The following GRM1 variants were observed in gnomAD, a reference collection of about 807,000 sequenced individuals.
GRM1 encodes metabotropic glutamate receptor 1.
GRM1 carries 33 observed loss-of-function variants against 90.9 expected under a neutral mutation model. That is an observed-to-expected ratio of 0.36 (90% CI 0.28 to 0.49). The LOEUF (loss-of-function observed/expected upper bound fraction) is 0.49, where lower values mean the gene tolerates loss of function less well. Among genes scored for constraint, GRM1 ranks in the 20% least tolerant of loss-of-function variants. The pLI is 0.99. For missense variants in GRM1, 1,190 were observed against 1,534.3 expected, an observed-to-expected ratio of 0.78 and a Z score of 3.75; for synonymous variants, 700 against 613.2, an observed-to-expected ratio of 1.14 and a Z score of -2.09.
intron 1 of GRM1, among the ~76,000 whole-genome samples, chr6:146,095,405 G>A (rs1230419622): frequency 6.6e-6 from 1 of 152,124 alleles, no homozygotes; most frequent in Admixed American, 6.6e-5. Flanking sequence ...CTCAGGAATG[G>A]CAGGGTTTTA....
chr6:146,103,041 T>C (rs921005054), intron 1 of GRM1, among the ~76,000 whole-genome samples: 3 of 152,230 alleles, frequency 2.0e-5, no homozygotes, highest in Non-Finnish European at 4.4e-5. Context: ...GTGCAGTTTC[T>C]GTGATGGTTT....
At chr6:146,132,543 G>A (rs1776446031) in intron 1 of GRM1, among the ~76,000 whole-genome samples, 1 of 152,022 alleles carries the variant, frequency 6.6e-6, no homozygotes, top group African/African-American at 2.4e-5. Context: ...GGGTGTATTT[G>A]GAATTGTCCC....
chr6:146,425,694 A>G (rs562338545), intron 7 of GRM1, among the ~76,000 whole-genome samples: 1 of 152,296 alleles, frequency 6.6e-6, no homozygotes, highest in African/African-American at 2.4e-5. Flanking sequence ...GCATGTGCTG[A>G]TAGTTCACCC....
chr6:146,420,320 A>C (rs1262360171), intron 7 of GRM1, among the ~76,000 whole-genome samples: 3 of 152,254 alleles, frequency 2.0e-5, no homozygotes, highest in African/African-American at 7.2e-5. Flanking sequence ...AAGACCAAAA[A>C]TCTAAATAGA....
intron 3 of GRM1, among the ~76,000 whole-genome samples, chr6:146,308,307 A>G (rs926647333): frequency 6.6e-6 from 1 of 152,110 alleles, no homozygotes; most frequent in Non-Finnish European, 1.5e-5. Context: ...TATCCACCTC[A>G]CACAGAACTC....
intron 2 of GRM1, among the ~76,000 whole-genome samples, chr6:146,300,297 A>T (rs960546360): frequency 6.6e-6 from 1 of 152,228 alleles, no homozygotes; most frequent in Non-Finnish European, 1.5e-5. Context: ...TTTTACTGTC[A>T]GTTTGCTAAT....
At chr6:146,043,514 ATAT>A (rs1791193726) in intron 1 of GRM1, among the ~76,000 whole-genome samples, 1 of 151,814 alleles carries the variant, frequency 6.6e-6, no homozygotes, top group African/African-American at 2.4e-5. Flanking sequence ...CATCAGAAAC[ATAT>A]TATTTTTAGA....
At chr6:146,061,523 A>G in intron 1 of GRM1, among the ~76,000 whole-genome samples, 1 of 152,196 alleles carries the variant, frequency 6.6e-6, no homozygotes, top group East Asian at 1.9e-4. Flanking sequence ...CATAAGAGTA[A>G]ACAGGTGACC....
chr6:146,304,569 T>A, intron 2 of GRM1, 42 bp from the exon 3 acceptor site: 1 of 1,298,454 alleles, frequency 7.7e-7, no homozygotes. Flanking sequence ...TTGTGAGATG[T>A]TTGTCTTTCT....
At position 146,117,330 on chromosome 6, in the gene GRM1, A is replaced by G. The variant is rs189580784; in HGVS notation, c.701-42018A>G. Among the ~76,000 whole-genome samples, 486 of 151,938 alleles carry G rather than the reference A, an allele frequency of 3.2e-3. 1 individual carries two copies. The highest frequency in any genetic ancestry group is 0.011 in the African/African-American group (472 of 41,534). ...TCTAAACACACTTTGTTATTAATAT[A>G]TGGCTATTACTCCCTTTTTAAAATT... On this transcript the variant is annotated intron_variant, in intron 1 of 7. Coordinates refer to ENST00000282753, the MANE Select transcript of GRM1 (RefSeq NM_001278064.2).
chr6:146,187,409 C>G (rs1449779902), intron 2 of GRM1, among the ~76,000 whole-genome samples: 1 of 152,074 alleles, frequency 6.6e-6, no homozygotes, highest in Admixed American at 6.6e-5. Flanking sequence ...ATAACTCATA[C>G]CATATCACGA....
intron 1 of GRM1, among the ~76,000 whole-genome samples, chr6:146,071,387 G>C (rs1776012916): frequency 6.6e-6 from 1 of 152,150 alleles, no homozygotes; most frequent in African/African-American, 2.4e-5. Context: ...ATTCCAGATA[G>C]AAATCTAAGC....
In GRM1 at chr6:146,123,479, A is replaced by G. The variant is rs1022641571; in HGVS notation, c.701-35869A>G. On this transcript the variant is annotated intron_variant, in intron 1 of 7. Coordinates refer to ENST00000282753, the MANE Select transcript of GRM1 (RefSeq NM_001278064.2). ...GGGACCAGAAGTTATCTGGAGCACC[A>G]CTGGAGTGCTCTCACTCTTTTGCCC... Among the ~76,000 whole-genome samples the G allele has an allele frequency of 2.6e-5, 4 of 152,204 alleles. No individual in the cohort carries two copies. The East Asian group carries it at 5.8e-4, about 22-fold the overall frequency.
intron 1 of GRM1, among the ~76,000 whole-genome samples, chr6:146,138,054 G>A (rs567478123): frequency 6.6e-6 from 1 of 151,808 alleles, no homozygotes; most frequent in Admixed American, 6.6e-5. Flanking sequence ...TAGTTTTTTT[G>A]ATGAAGTCTT....
chr6:146,309,566 C>T (rs1027413008), intron 3 of GRM1, among the ~76,000 whole-genome samples: 1 of 152,026 alleles, frequency 6.6e-6, no homozygotes, highest in Non-Finnish European at 1.5e-5. Flanking sequence ...TTATATTTTA[C>T]ATAGTTTTGA....
At chr6:146,129,699 A>G (rs2128879856) in intron 1 of GRM1, among the ~76,000 whole-genome samples, 1 of 152,254 alleles carries the variant, frequency 6.6e-6, no homozygotes, top group Admixed American at 6.5e-5. Context: ...AAAGGTCCCA[A>G]ACTCTAGCCT....
At chr6:146,185,364 A>G (rs1778697305) in intron 2 of GRM1, among the ~76,000 whole-genome samples, 1 of 152,236 alleles carries the variant, frequency 6.6e-6, no homozygotes, top group Non-Finnish European at 1.5e-5. Flanking sequence ...TACAGCCAAG[A>G]CTGTGAAAGC....
At chr6:146,144,643 AGGAGT>A (rs1777021247) in intron 1 of GRM1, among the ~76,000 whole-genome samples, 1 of 152,246 alleles carries the variant, frequency 6.6e-6, no homozygotes, top group Admixed American at 6.5e-5. Context: ...AATTGGCACC[AGGAGT>A]GGGGTTGTTG....
chr6:146,035,205 A>G (rs763368174), intron 1 of GRM1, among the ~76,000 whole-genome samples: 8 of 152,106 alleles, frequency 5.3e-5, no homozygotes, highest in South Asian at 2.1e-4. Flanking sequence ...AATAATAAAA[A>G]CAGAAGTAAG....
Sources: gnomAD v4.1 joint callset for allele counts (sites outside exome capture counted in the v4.1 genomes callset) on GRCh38, gnomAD v4.1.1 for gene constraint, MANE v1.5 for transcripts, NCBI Gene and HGNC (gene_info 2026-07-23, HGNC 2026-07-21) for gene names.